ZNF670: variants seen among roughly 807,000 people sequenced by gnomAD.
ZNF670 encodes the protein zinc finger protein 670.
ZNF670 carries 7 observed loss-of-function variants against 10.9 expected under a neutral mutation model. The observed-to-expected ratio is 0.64, with a 90% CI of 0.36 to 1.20. ZNF670 has a LOEUF of 1.20. Ranked by LOEUF, ZNF670 falls within the 50% of genes most tolerant of loss-of-function variation. The probability of loss-of-function intolerance (pLI) is 0.02; values close to 1 mark genes in which losing one functional copy is unlikely to be tolerated. For synonymous variants in ZNF670, 136 were observed against 152.7 expected (o/e 0.89, Z 0.81); for missense variants, 446 against 458.6 (o/e 0.97, Z 0.25).
chr1:247,036,597 G>T lies in ZNF670; in HGVS notation c.*852C>A, dbSNP rs1223763115. 6.6e-6 allele frequency among the ~76,000 whole-genome samples: 1 copy of T among 152,126 alleles called. No individual in the cohort carries two copies. On this transcript the variant is annotated 3_prime_UTR_variant, in exon 4 of 4. Transcript: ENST00000366503. Reference sequence around the variant, plus strand: ...GAATCACTTGAGCCCAGGAATTTGAGGCTGCAGTGAGCTAAGACTATTATT... The same window carrying T: ...GAATCACTTGAGCCCAGGAATTTGATGCTGCAGTGAGCTAAGACTATTATT...
chr1:247,039,627 C>T, intron 1 of ZNF670, 90 bp from the exon 2 acceptor site: 1 of 1,330,250 alleles, frequency 7.5e-7, no homozygotes, highest in East Asian at 2.8e-5. Context: ...TAACATAATT[C>T]TGCAGACTTC....
chr1:247,059,560 A>T (rs187062048), intron 1 of ZNF670, among the ~76,000 whole-genome samples: 6 of 152,326 alleles, frequency 3.9e-5, no homozygotes, highest in Non-Finnish European at 7.3e-5. Flanking sequence ...GGCTGATTCA[A>T]AAAGCAAAAA....
At chr1:247,066,290 T>C (rs1274485281) in intron 1 of ZNF670, among the ~76,000 whole-genome samples, 2 of 152,124 alleles carry the variant, frequency 1.3e-5, no homozygotes, top group African/African-American at 4.8e-5. Context: ...TTTCTGGCCC[T>C]GGGTGGTTCC....
intron 1 of ZNF670, 134 bp from the exon 2 acceptor site, chr1:247,039,671 T>C: frequency 1.0e-6 from 1 of 1,003,124 alleles, no homozygotes; most frequent in Non-Finnish European, 1.3e-6. Flanking sequence ...CATCAGAACT[T>C]TACTCTCTGT....
At chr1:247,062,451 T>C (rs1670880418) in intron 1 of ZNF670, among the ~76,000 whole-genome samples, 1 of 152,248 alleles carries the variant, frequency 6.6e-6, no homozygotes. Context: ...TATTTTACCT[T>C]TTTATCTCTA....
At position 247,035,605 on chromosome 1, in the gene ZNF670, T is replaced by C. The variant is rs940735232; in HGVS notation, c.*1844A>G. Among the ~76,000 whole-genome samples, 2 of 152,210 alleles carry C rather than the reference T, an allele frequency of 1.3e-5. No individual in the cohort carries two copies. Among genetic ancestry groups the C allele is most frequent in the African/African-American group, 4.8e-5 (2 of 41,466 alleles). On this transcript the variant is annotated 3_prime_UTR_variant, in exon 4 of 4. Transcript: ENST00000366503. ...AATTACACATAATATAAACTAGTTATGCATAATTCATAGTAACTTACAAAA... is the reference window on the plus strand; with the variant it reads ...AATTACACATAATATAAACTAGTTACGCATAATTCATAGTAACTTACAAAA...
Position 247,036,047 on chromosome 1 carries a change from T to C in ZNF670, c.*1402A>G, listed in dbSNP as rs1052526150. Among the ~76,000 whole-genome samples the C allele has an allele frequency of 2.0e-5, 3 of 152,188 alleles. No individual in the cohort carries two copies. Among genetic ancestry groups the C allele is most frequent in the Non-Finnish European group, 2.9e-5 (2 of 68,036 alleles). On this transcript the variant is annotated 3_prime_UTR_variant, in exon 4 of 4. Coordinates refer to ENST00000366503, the MANE Select transcript of ZNF670 (RefSeq NM_033213.5). ...GTTCAACCTGTAGATAAAATACTTA[T>C]ATTCCATGATGAAGACAAATTTCAC...
At chr1:247,071,268 C>A (rs1381948551) in intron 1 of ZNF670, among the ~76,000 whole-genome samples, 1 of 152,242 alleles carries the variant, frequency 6.6e-6, no homozygotes, top group African/African-American at 2.4e-5. Flanking sequence ...GGTACACATA[C>A]ATCCAGGGAC....
intron 1 of ZNF670, among the ~76,000 whole-genome samples, chr1:247,075,173 T>G (rs1017742184): frequency 2.0e-5 from 3 of 152,204 alleles, no homozygotes; most frequent in East Asian, 1.9e-4. Context: ...AAATATGTCA[T>G]TTATTTATTA....
intron 1 of ZNF670, among the ~76,000 whole-genome samples, chr1:247,064,432 G>C (rs113386072): frequency 0.011 from 1,705 of 152,314 alleles, 20 homozygotes; most frequent in Middle Eastern, 0.017. Context: ...ATCAGATGTG[G>C]GGCCCAATGA....
intron 1 of ZNF670, among the ~76,000 whole-genome samples, chr1:247,062,609 C>T (rs1670883294): frequency 6.6e-6 from 1 of 152,168 alleles, no homozygotes; most frequent in African/African-American, 2.4e-5. Flanking sequence ...GTCCTCCAAC[C>T]CTCACCCTGC....
Position 247,038,190 on chromosome 1 carries a change from G to A in ZNF670, c.429C>T (p.Cys143=). 2 of 1,614,122 alleles carry A rather than the reference G, an allele frequency of 1.2e-6. No homozygotes were observed. Among genetic ancestry groups the A allele is most frequent in the Non-Finnish European group, 1.7e-6 (2 of 1,180,012 alleles). ...CEECPEKLYH[C]KQCGKAFISL... is the part of the protein sequence containing the mutation. The stretch of plus-strand genomic sequence containing the variant: ...AGATAAAGGCTTTCCCACATTGTTT[G>A]CAATGATATAACTTCTCTGGACATT... Residue 143 remains cysteine, a synonymous_variant, in exon 4 of 4, where the codon TGC becomes TGT. Coordinates refer to ENST00000366503, the MANE Select transcript of ZNF670 (RefSeq NM_033213.5).
intron 1 of ZNF670, among the ~76,000 whole-genome samples, chr1:247,054,896 T>C (rs557041242): frequency 1.3e-5 from 2 of 152,066 alleles, no homozygotes; most frequent in African/African-American, 4.8e-5. Flanking sequence ...AATGGATACA[T>C]AAAATATAAC....
intron 1 of ZNF670, among the ~76,000 whole-genome samples, chr1:247,052,472 C>A (rs537648048): frequency 6.6e-6 from 1 of 152,164 alleles, no homozygotes; most frequent in Admixed American, 6.5e-5. Flanking sequence ...GATACCAATA[C>A]CTGCTTCATT....
intron 1 of ZNF670, among the ~76,000 whole-genome samples, chr1:247,052,040 G>T (rs1670610437): frequency 6.8e-6 from 1 of 146,206 alleles, no homozygotes; most frequent in Non-Finnish European, 1.5e-5. Context: ...ACCTTTCTCT[G>T]GTGCCTCCAC....
intron 1 of ZNF670, among the ~76,000 whole-genome samples, chr1:247,048,874 G>C (rs1670521545): frequency 6.6e-6 from 1 of 152,164 alleles, no homozygotes; most frequent in Non-Finnish European, 1.5e-5. Flanking sequence ...GAGACATTGG[G>C]TGGGGACACA....
At position 247,051,779 on chromosome 1, in the gene ZNF670, T is replaced by A. The variant is rs1007973099; in HGVS notation, c.4-12242A>T. 9.2e-5 allele frequency among the ~76,000 whole-genome samples: 10 copies of A among 108,356 alleles called. No homozygotes were observed. The Admixed American group carries it at 1.2e-3, about 13-fold the overall frequency. 71.1% of individuals were successfully genotyped at this position (108,356 alleles called of 152,430 possible). A position where few individuals can be genotyped will look rare whatever the true frequency, so the allele number is the denominator to read the frequency against. On this transcript the variant is annotated intron_variant, in intron 1 of 3. Transcript: ENST00000366503. Reference sequence around the variant, plus strand: ...CTAGGTTCAGAGGCTTTGTTCTTTTTTCATTTTTTTTTTTTTTTTGTTTTG... The same window carrying A: ...CTAGGTTCAGAGGCTTTGTTCTTTTATCATTTTTTTTTTTTTTTTGTTTTG...
chr1:247,039,606 T>G lies in ZNF670; in HGVS notation c.4-69A>C, dbSNP rs1670258597. 2 of 1,395,618 alleles carry G rather than the reference T, an allele frequency of 1.4e-6. 1 individual carries two copies. Among genetic ancestry groups the G allele is most frequent in the Admixed American group, 5.8e-5 (2 of 34,262 alleles). 86.5% of individuals were successfully genotyped at this position (1,395,618 alleles called of 1,614,324 possible). A position where few individuals can be genotyped will look rare whatever the true frequency, so the allele number is the denominator to read the frequency against. On this transcript the variant is annotated intron_variant, in intron 1 of 3. Coordinates refer to ENST00000366503, the MANE Select transcript of ZNF670 (RefSeq NM_033213.5). ...ACAGTACTAAGAATCTATACTCATC[T>G]CATAAAATCGTAACATAATTCTGCA... is the stretch of plus-strand genomic sequence containing the variant.
chr1:247,055,542 CCT>C (rs1266629118), intron 1 of ZNF670, among the ~76,000 whole-genome samples: 8 of 152,172 alleles, frequency 5.3e-5, no homozygotes, highest in Admixed American at 5.2e-4. Flanking sequence ...CCAATCTCAC[CCT>C]TTCTATACAC....
Sources: gnomAD v4.1 joint callset for allele counts (sites outside exome capture counted in the v4.1 genomes callset) on GRCh38, gnomAD v4.1.1 for gene constraint, MANE v1.5 for transcripts, NCBI Gene and HGNC (gene_info 2026-07-23, HGNC 2026-07-21) for gene names.